Variants in ANGPT4 observed in about 807,000 individuals in gnomAD.
ANGPT4 encodes angiopoietin 4.
ANGPT4 carries 50 observed loss-of-function variants against 53.0 expected under a neutral mutation model. The observed-to-expected ratio is 0.94, with a 90% CI of 0.75 to 1.20. The LOEUF (loss-of-function observed/expected upper bound fraction) is 1.20, where lower values mean the gene tolerates loss of function less well. Ranked by LOEUF, ANGPT4 falls within the 50% of genes most tolerant of loss-of-function variation. The probability of loss-of-function intolerance (pLI) is 0.00; values close to 1 mark genes in which losing one functional copy is unlikely to be tolerated. For missense variants in ANGPT4, 648 were observed against 637.1 expected (o/e 1.02, Z -0.18); for synonymous variants, 251 against 259.7 (o/e 0.97, Z 0.32).
chr20:914,447 A>G lies in ANGPT4; in HGVS notation c.309+1459T>C, dbSNP rs1242472550. Among the ~76,000 whole-genome samples the G allele has an allele frequency of 6.6e-6, 1 of 151,816 alleles. No individual in the cohort carries two copies. The highest frequency in any genetic ancestry group is 2.4e-5 in the African/African-American group (1 of 41,294). On this transcript the variant is annotated intron_variant, in intron 1 of 8. Coordinates refer to ENST00000381922, the MANE Select transcript of ANGPT4 (RefSeq NM_015985.4). The surrounding 1 kb of genome is among the most constrained non-coding windows in gnomAD (Gnocchi z 5.0). ...AGTAAGGGTTCTTGCTTTTATTCGG[A>G]TGCATGGTTAGCCCTGGGAGGAGGG...
At position 908,880 on chromosome 20, in the gene ANGPT4, T is replaced by C. The variant is rs532266035; in HGVS notation, c.309+7026A>G. On this transcript the variant is annotated intron_variant, in intron 1 of 8. Coordinates refer to ENST00000381922, the MANE Select transcript of ANGPT4 (RefSeq NM_015985.4). The surrounding 1 kb of genome is among the most constrained non-coding windows in gnomAD (Gnocchi z 4.9). ...ATTTATGGCATGCTATGTATCTTGT[T>C]GCCTCTGGAGAGGAGAAACAGGGGT... 3.5e-4 allele frequency among the ~76,000 whole-genome samples: 54 copies of C among 152,184 alleles called. No homozygotes were observed. Among genetic ancestry groups the C allele is most frequent in the Admixed American group, 5.2e-4 (8 of 15,274 alleles).
At chr20:873,513 C>G (rs1981035709) in intron 8 of ANGPT4, among the ~76,000 whole-genome samples, 1 of 151,916 alleles carries the variant, frequency 6.6e-6, no homozygotes, top group African/African-American at 2.4e-5. Flanking sequence ...CCAGGTTCAT[C>G]TCTTTCTCTC....
In ANGPT4 at chr20:881,201, G is replaced by T; in HGVS notation, c.921C>A (p.Ile307=). 6.2e-7 allele frequency: 1 copy of T among 1,607,100 alleles called. No individual in the cohort carries two copies. The highest frequency in any genetic ancestry group is 8.5e-7 in the Non-Finnish European group (1 of 1,176,674). The change falls in exon 5 of 9, where the codon ATC becomes ATA. Residue 307 remains isoleucine, a synonymous_variant. Transcript: ENST00000381922. ...TGGGCTTCGTTGCATTGGACACCTG[G>T]ATGGTGTAGACACCACTGGCACTGG... The part of the protein sequence containing the change: ...SGASASGVYT[I]QVSNATKPRK...
chr20:913,708 G>A lies in ANGPT4; in HGVS notation c.309+2198C>T, dbSNP rs8122386. On this transcript the variant is annotated intron_variant, in intron 1 of 8. Coordinates refer to ENST00000381922, the MANE Select transcript of ANGPT4 (RefSeq NM_015985.4). ...GAGACTTGGGGTAGGAGGCCCAGTGGGAGGTGATGACAGCATCCTGGGAAA... is the reference window on the plus strand; with the variant it reads ...GAGACTTGGGGTAGGAGGCCCAGTGAGAGGTGATGACAGCATCCTGGGAAA... Among the ~76,000 whole-genome samples the A allele has an allele frequency of 7.8e-4, 119 of 152,328 alleles. 1 individual carries two copies. Among genetic ancestry groups the A allele is most frequent in the African/African-American group, 2.8e-3 (116 of 41,584 alleles).
In ANGPT4 at chr20:913,035, A is replaced by G. The variant is rs568990485; in HGVS notation, c.309+2871T>C. 8.5e-5 allele frequency among the ~76,000 whole-genome samples: 13 copies of G among 152,118 alleles called. 1 individual carries two copies. The East Asian group carries it at 2.5e-3, about 29-fold the overall frequency. On this transcript the variant is annotated intron_variant, in intron 1 of 8. Transcript: ENST00000381922. ...GTTGGGGGCACAGGCTGAGCAGATGATGGCTTCTGGGATTCGCGACAGGAA... is the reference window on the plus strand; with the variant it reads ...GTTGGGGGCACAGGCTGAGCAGATGGTGGCTTCTGGGATTCGCGACAGGAA...
In ANGPT4 at chr20:872,956, C is replaced by T; in HGVS notation, c.*4G>A. The T allele has an allele frequency of 6.2e-7, 1 of 1,613,840 alleles. No homozygotes were observed. The highest frequency in any genetic ancestry group is 8.5e-7 in the Non-Finnish European group (1 of 1,179,970). On this transcript the variant is annotated 3_prime_UTR_variant, in exon 9 of 9. Coordinates refer to ENST00000381922, the MANE Select transcript of ANGPT4 (RefSeq NM_015985.4). ...TGTGGTCCAGCCTCTGGCACAGCTG[C>T]TCGTTAGATGTCCAAAGGCCGTATC...
At chr20:875,352 T>G (rs997358010) in intron 7 of ANGPT4, among the ~76,000 whole-genome samples, 2 of 152,162 alleles carry the variant, frequency 1.3e-5, no homozygotes, top group African/African-American at 4.8e-5. Context: ...CCAGCCCCCA[T>G]GGATCTGGGC....
intron 3 of ANGPT4, among the ~76,000 whole-genome samples, chr20:887,399 T>C (rs1206290203): frequency 6.6e-6 from 1 of 152,176 alleles, no homozygotes; most frequent in Non-Finnish European, 1.5e-5. Flanking sequence ...GATGGGCAGA[T>C]TGTCATTAAT....
At chr20:915,860 C>T (rs1362532443) in intron 1 of ANGPT4, 46 bp downstream of exon 1, 14 of 1,525,512 alleles carry the variant, frequency 9.2e-6, no homozygotes, top group African/African-American at 1.4e-5. Flanking sequence ...TTGTGACAGA[C>T]CCCAAAGCCG....
rs1980909149 is a variant in ANGPT4 at position 870,750 on chromosome 20, C to T, written c.*2210G>A. 6.6e-6 allele frequency: 1 copy of T among 152,154 alleles called. No individual in the cohort carries two copies. The highest frequency in any genetic ancestry group is 2.4e-5 in the African/African-American group (1 of 41,444). 9.4% of individuals were successfully genotyped at this position (152,154 alleles called of 1,614,324 possible). On this transcript the variant is annotated 3_prime_UTR_variant, in exon 9 of 9. Coordinates refer to ENST00000381922, the MANE Select transcript of ANGPT4 (RefSeq NM_015985.4). ...ATGATGTGGATACAAAAATAAAATG[C>T]CTTTTCCTCACCTGAGTGCAGGAGA...
intron 1 of ANGPT4, among the ~76,000 whole-genome samples, chr20:892,884 C>T (rs1282424728): frequency 6.6e-6 from 1 of 152,214 alleles, no homozygotes; most frequent in Non-Finnish European, 1.5e-5. Context: ...CTTGACACTG[C>T]CCTCAAGGGA....
Position 908,301 on chromosome 20 carries a change from C to T in ANGPT4, c.309+7605G>A, listed in dbSNP as rs986633227. ...AGTCTCATCTTGGCCATGCTCTCCT[C>T]GCTCTCTGCACTGTAGACACACTGA... is the stretch of plus-strand genomic sequence containing the variant. On this transcript the variant is annotated intron_variant, in intron 1 of 8. Transcript: ENST00000381922. The surrounding 1 kb of genome is among the most constrained non-coding windows in gnomAD (Gnocchi z 4.9). 9.2e-5 allele frequency among the ~76,000 whole-genome samples: 14 copies of T among 152,188 alleles called. No homozygotes were observed. The highest frequency in any genetic ancestry group is 2.1e-4 in the South Asian group (1 of 4,828).
rs117969227 is a variant in ANGPT4 at position 891,653 on chromosome 20, G to A, written c.310-1285C>T. On this transcript the variant is annotated intron_variant, in intron 1 of 8. Transcript: ENST00000381922. ...TCTCAGGGTCCTTGGGAAGATGGGTGCTCCCCAGGAGAGGTGGTGACCTTG... is the reference window on the plus strand; with the variant it reads ...TCTCAGGGTCCTTGGGAAGATGGGTACTCCCCAGGAGAGGTGGTGACCTTG... Among the ~76,000 whole-genome samples the A allele has an allele frequency of 9.8e-3, 1,489 of 152,304 alleles. 11 individuals are homozygous for A. Among genetic ancestry groups the A allele is most frequent in the Middle Eastern group, 0.027 (8 of 294 alleles).
At chr20:882,730 C>T (rs1424577295) in intron 4 of ANGPT4, among the ~76,000 whole-genome samples, 1 of 152,156 alleles carries the variant, frequency 6.6e-6, no homozygotes, top group Non-Finnish European at 1.5e-5. Flanking sequence ...CCAGGGTTGG[C>T]CTGAGATTTC....
In ANGPT4 at chr20:908,539, T is replaced by A. The variant is rs1982570318; in HGVS notation, c.309+7367A>T. 6.6e-6 allele frequency among the ~76,000 whole-genome samples: 1 copy of A among 152,298 alleles called. No individual in the cohort carries two copies. The highest frequency in any genetic ancestry group is 1.5e-5 in the Non-Finnish European group (1 of 68,022). Reference sequence around the variant, plus strand: ...CTCGGTCCCTCCTTCATGGCACATATCATGATTGATCGTTGCACATGGGAA... The same window carrying A: ...CTCGGTCCCTCCTTCATGGCACATAACATGATTGATCGTTGCACATGGGAA... On this transcript the variant is annotated intron_variant, in intron 1 of 8. Transcript: ENST00000381922. The surrounding 1 kb of genome is among the most constrained non-coding windows in gnomAD (Gnocchi z 4.9).
intron 1 of ANGPT4, among the ~76,000 whole-genome samples, chr20:913,628 T>A (rs1982796716): frequency 1.3e-5 from 2 of 152,174 alleles, no homozygotes; most frequent in African/African-American, 2.4e-5. Context: ...TCTCAGCCAA[T>A]GTTTCCCAAG....
Position 916,065 on chromosome 20 carries a change from G to T in ANGPT4, c.150C>A (p.Pro50=). Residue 50 remains proline, a synonymous_variant, in exon 1 of 9, where the codon CCC becomes CCA. Coordinates refer to ENST00000381922, the MANE Select transcript of ANGPT4 (RefSeq NM_015985.4). ...GCCCCGGAGGGCAGGGCTCAGACTT[G>T]GGCAGCAAGAAGGTGTAGCTACAGT... ...HGHCSYTFLL[P]KSEPCPPGPE... is the part of the protein sequence containing the mutation. 6.2e-7 allele frequency: 1 copy of T among 1,614,174 alleles called. No homozygotes were observed.
intron 1 of ANGPT4, among the ~76,000 whole-genome samples, chr20:915,446 C>G (rs1982891856): frequency 6.6e-6 from 1 of 152,194 alleles, no homozygotes; most frequent in South Asian, 2.1e-4. Context: ...TTCCCTTGTT[C>G]TCTGGGTTCA....
chr20:888,595 C>T (rs1426720800), intron 2 of ANGPT4, among the ~76,000 whole-genome samples, 156 bp from the exon 3 acceptor site: 1 of 152,224 alleles, frequency 6.6e-6, no homozygotes, highest in Non-Finnish European at 1.5e-5. Flanking sequence ...CAGGCCCTGA[C>T]TTAAGCTTAT....
Sources: allele counts gnomAD v4.1 joint callset (sites outside exome capture counted in the v4.1 genomes callset), GRCh38; gene constraint gnomAD v4.1.1; non-coding constraint Gnocchi (gnomAD v3.1); transcripts MANE v1.5; gene names NCBI Gene and HGNC (gene_info 2026-07-23, HGNC 2026-07-21).